KDM2A: variants seen among roughly 807,000 people sequenced by gnomAD.
KDM2A encodes the protein lysine demethylase 2A, also known as lysine-specific demethylase 2A.
In KDM2A, 3 loss-of-function variants were observed where a neutral mutation model predicts 137.3. The ratio of observed to expected loss-of-function variants is 0.02; its 90% CI spans 0.01 to 0.06. KDM2A has a LOEUF of 0.06. Among genes scored for constraint, KDM2A ranks in the 10% least tolerant of loss-of-function variants. KDM2A has a pLI of 1.00. For synonymous variants in KDM2A, 512 were observed against 541.5 expected, an observed-to-expected ratio of 0.95 and a Z score of 0.76; for missense variants, 738 against 1,510.6, an observed-to-expected ratio of 0.49 and a Z score of 8.48.
At chr11:67,164,094 A>G (rs1285958306) in intron 2 of KDM2A, among the ~76,000 whole-genome samples, 1 of 152,132 alleles carries the variant, frequency 6.6e-6, no homozygotes, top group Non-Finnish European at 1.5e-5. Context: ...GTATTTGTAT[A>G]TATGTTTTCA....
intron 2 of KDM2A, among the ~76,000 whole-genome samples, chr11:67,171,853 G>C (rs987498849): frequency 7.9e-5 from 12 of 152,346 alleles, no homozygotes; most frequent in Non-Finnish European, 1.6e-4. Context: ...CACTGTAAGT[G>C]TAAGAGTTTA....
Position 67,255,487 on chromosome 11 carries a change from G to T in KDM2A, c.*432G>T. The T allele has an allele frequency of 2.2e-6, 1 of 456,084 alleles. No homozygotes were observed. Among genetic ancestry groups the T allele is most frequent in the African/African-American group, 2.0e-5 (1 of 50,216 alleles). 28.3% of individuals were successfully genotyped at this position (456,084 alleles called of 1,614,324 possible). A position where few individuals can be genotyped will look rare whatever the true frequency, so the allele number is the denominator to read the frequency against. ...GCCCTGTCTCCATGGCCAGGTTCTT[G>T]TGGTGTCCAGTGCGCGTCTCTCCTC... On this transcript the variant is annotated 3_prime_UTR_variant, in exon 21 of 21. Coordinates refer to ENST00000529006, the MANE Select transcript of KDM2A (RefSeq NM_012308.3).
At chr11:67,179,431 G>A (rs753434798) in intron 2 of KDM2A, among the ~76,000 whole-genome samples, 13 of 152,118 alleles carry the variant, frequency 8.5e-5, no homozygotes, top group South Asian at 8.3e-4. Flanking sequence ...GTGCCACTAC[G>A]CCCAGCTTAT....
chr11:67,147,528 C>T (rs556058919), intron 2 of KDM2A, among the ~76,000 whole-genome samples: 19 of 147,666 alleles, frequency 1.3e-4, no homozygotes, highest in East Asian at 4.0e-4. Context: ...GGCGACAGAG[C>T]GAGACTCCGT....
intron 2 of KDM2A, among the ~76,000 whole-genome samples, chr11:67,135,266 G>A (rs1344177610): frequency 6.6e-6 from 1 of 152,002 alleles, no homozygotes; most frequent in East Asian, 1.9e-4. Flanking sequence ...AAAAGTTTCA[G>A]CATGTTGGTC....
At chr11:67,180,364 T>G in intron 3 of KDM2A, 147 bp downstream of exon 3, 1 of 740,214 alleles carries the variant, frequency 1.4e-6, no homozygotes, top group African/African-American at 1.8e-5. Context: ...GCCATTTGCA[T>G]GCACTTATCC....
At chr11:67,240,323 A>G (rs1275075453) in intron 12 of KDM2A, 7 of 1,535,482 alleles carry the variant, frequency 4.6e-6, no homozygotes, top group African/African-American at 4.1e-5. Context: ...ACGCTGGGGA[A>G]ACTTCACCAA....
chr11:67,255,708 A>G lies in KDM2A; in HGVS notation c.*653A>G, dbSNP rs1330901241. 5.1e-6 allele frequency: 2 copies of G among 388,844 alleles called. No individual in the cohort carries two copies. Among genetic ancestry groups the G allele is most frequent in the Admixed American group, 5.7e-5 (2 of 34,836 alleles). 24.1% of individuals were successfully genotyped at this position (388,844 alleles called of 1,614,324 possible). On this transcript the variant is annotated 3_prime_UTR_variant, in exon 21 of 21. Coordinates refer to ENST00000529006, the MANE Select transcript of KDM2A (RefSeq NM_012308.3). ...ATAATTAGGTTTCCCACCCCAGCCT[A>G]CCCGACTTACTTGCTAGTCTCTATG...
rs952184517 is a variant in KDM2A, at chr11:67,151,375, A to G, written c.43-28704A>G. Among the ~76,000 whole-genome samples the G allele has an allele frequency of 2.6e-5, 4 of 152,052 alleles. No individual in the cohort carries two copies. In the East Asian group the frequency reaches 7.7e-4, roughly 29 times the overall value. On this transcript the variant is annotated intron_variant, in intron 2 of 20. Transcript: ENST00000529006. ...ATTTATTATTTTATTTTATTTTTAA[A>G]TTTAATTTTATTATTTTATTTTGAG... is the stretch of plus-strand genomic sequence containing the variant.
At chr11:67,239,324 G>A (rs188215946) in intron 12 of KDM2A, among the ~76,000 whole-genome samples, 8 of 152,300 alleles carry the variant, frequency 5.3e-5, no homozygotes, top group Admixed American at 4.6e-4. Flanking sequence ...CTGCAGGATT[G>A]CTGCGCAGAC....
intron 5 of KDM2A, among the ~76,000 whole-genome samples, chr11:67,193,784 C>G (rs939507901): frequency 6.6e-6 from 1 of 152,170 alleles, no homozygotes; most frequent in Non-Finnish European, 1.5e-5. Flanking sequence ...CTGCTTGAAC[C>G]CAGGAGCGGG....
intron 2 of KDM2A, among the ~76,000 whole-genome samples, chr11:67,152,908 GTGTGTGTGTGTGT>G: frequency 2.0e-3 from 1 of 506 alleles, no homozygotes; most frequent in African/African-American, 7.0e-3. Flanking sequence ...GTGCCAGAGT[GTGTGTGTGTGTGT>G]GTGTGTGTGT....
chr11:67,175,712 TGAA>T (rs915838633), intron 2 of KDM2A, among the ~76,000 whole-genome samples: 1 of 152,160 alleles, frequency 6.6e-6, no homozygotes. Flanking sequence ...TTCTCCTGAG[TGAA>T]GAAGAATCCG....
In KDM2A at chr11:67,164,767, T is replaced by A. The variant is rs1324925941; in HGVS notation, c.43-15312T>A. On this transcript the variant is annotated intron_variant, in intron 2 of 20. Transcript: ENST00000529006. ...TCTTGAGTAGCTGGGACTGGTTATT[T>A]TTTGTATTTTTAGTGGAGGTGGGGT... Among the ~76,000 whole-genome samples the A allele has an allele frequency of 2.0e-5, 3 of 151,896 alleles. No homozygotes were observed. In the South Asian group the frequency reaches 6.2e-4, roughly 32 times the overall value.
At chr11:67,179,462 A>G (rs1248536627) in intron 2 of KDM2A, among the ~76,000 whole-genome samples, 1 of 152,046 alleles carries the variant, frequency 6.6e-6, no homozygotes, top group Non-Finnish European at 1.5e-5. Context: ...TAGTAGAGAC[A>G]TGGTTTCTCC....
Position 67,254,776 on chromosome 11 carries a change from T to C in KDM2A, c.3308-98T>C. Reference sequence around the variant, plus strand: ...GGTAGTTGTGGGACAAAGAGGGCTTTTGTTTAGCATTTTGAAGGAAAGACG... The same window carrying C: ...GGTAGTTGTGGGACAAAGAGGGCTTCTGTTTAGCATTTTGAAGGAAAGACG... On this transcript the variant is annotated intron_variant, in intron 20 of 20. Coordinates refer to ENST00000529006, the MANE Select transcript of KDM2A (RefSeq NM_012308.3). This position sits in a 1 kb window ranked among gnomAD's most constrained non-coding sequence, Gnocchi z 4.7. 1 of 1,169,540 alleles carries C rather than the reference T, an allele frequency of 8.6e-7. No individual in the cohort carries two copies. Among genetic ancestry groups the C allele is most frequent in the Non-Finnish European group, 1.2e-6 (1 of 819,028 alleles). The allele number at this position is 1,169,540 out of a possible 1,614,324, so 72.4% of individuals were successfully genotyped here. A position where few individuals can be genotyped will look rare whatever the true frequency, so the allele number is the denominator to read the frequency against.
At chr11:67,203,790 C>CTT (rs1034778143) in intron 5 of KDM2A, among the ~76,000 whole-genome samples, 8 of 141,424 alleles carry the variant, frequency 5.7e-5, no homozygotes, top group South Asian at 2.3e-4. Context: ...CCTCTACATT[C>CTT]TTTTTTTTTT....
At chr11:67,159,645 T>C (rs1856592707) in intron 2 of KDM2A, among the ~76,000 whole-genome samples, 1 of 152,212 alleles carries the variant, frequency 6.6e-6, no homozygotes, top group African/African-American at 2.4e-5. Flanking sequence ...TAGTAAATAA[T>C]CTGTGGGGTG....
At chr11:67,187,566 T>C (rs534779967) in intron 5 of KDM2A, among the ~76,000 whole-genome samples, 2 of 150,962 alleles carry the variant, frequency 1.3e-5, no homozygotes, top group African/African-American at 2.4e-5. Context: ...ATTTATTTAT[T>C]TATTTATTTA....
Sources: allele counts gnomAD v4.1 joint callset (sites outside exome capture counted in the v4.1 genomes callset), GRCh38; gene constraint gnomAD v4.1.1; non-coding constraint Gnocchi (gnomAD v3.1); transcripts MANE v1.5; gene names NCBI Gene and HGNC (gene_info 2026-07-23, HGNC 2026-07-21).